The following MTPN variants were observed in gnomAD, a reference collection of about 807,000 sequenced individuals.
The protein encoded by MTPN is myotrophin, also known as granule cell differentiation protein.
In MTPN, 2 loss-of-function variants were observed where a neutral mutation model predicts 13.5. The ratio of observed to expected loss-of-function variants is 0.15; its 90% CI spans 0.06 to 0.47. MTPN has a LOEUF of 0.47. Among genes scored for constraint, MTPN ranks in the 20% least tolerant of loss-of-function variants. MTPN has a pLI of 0.97. For missense variants in MTPN, 79 were observed against 137.9 expected, an observed-to-expected ratio of 0.57 and a Z score of 2.14; for synonymous variants, 46 against 51.7, an observed-to-expected ratio of 0.89 and a Z score of 0.48.
chr7:135,940,302 C>T (rs1562930054), intron 3 of MTPN, among the ~76,000 whole-genome samples: 1 of 152,188 alleles, frequency 6.6e-6, no homozygotes, highest in Admixed American at 6.5e-5. Context: ...CAAATACCTA[C>T]AATTATACAT....
intron 3 of MTPN, among the ~76,000 whole-genome samples, chr7:135,939,593 T>TG (rs1422915424): frequency 2.4e-4 from 1 of 4,196 alleles, no homozygotes; most frequent in Non-Finnish European, 6.3e-4. Context: ...GGGGGGCGGG[T>TG]GCGTGGGGCG....
chr7:135,950,808 CCA>C (rs1201715518), intron 2 of MTPN, 126 bp from the exon 3 acceptor site: 4 of 739,410 alleles, frequency 5.4e-6, no homozygotes, highest in East Asian at 2.6e-5. Context: ...ATCAATCAAT[CCA>C]CAGAGTCAAG....
At chr7:135,937,708 T>A (rs1213407525) in intron 3 of MTPN, among the ~76,000 whole-genome samples, 1 of 152,140 alleles carries the variant, frequency 6.6e-6, no homozygotes, top group African/African-American at 2.4e-5. Context: ...AAAAGTTACA[T>A]GGAGTGTGCC....
rs541875018 is a variant in MTPN at position 135,972,972 on chromosome 7, G to C, written c.72+4057C>G. ...CTACAAGGAAGAAACAGGATGGCAG[G>C]GTCTGGAGCAGAGTGCTTAGAGAGA... On this transcript the variant is annotated intron_variant, in intron 1 of 3. Transcript: ENST00000393085. Among the ~76,000 whole-genome samples, 12 of 151,596 alleles carry C rather than the reference G, an allele frequency of 7.9e-5. No individual in the cohort carries two copies. The East Asian group carries it at 1.6e-3, about 20-fold the overall frequency.
Position 135,927,320 on chromosome 7 carries a change from T to C in MTPN, c.*2606A>G. Reference sequence around the variant, plus strand: ...AGAAGAACTACTTGGGATATTCAAGTGCTGTATTTGAACGATAAGCCTATA... The same window carrying C: ...AGAAGAACTACTTGGGATATTCAAGCGCTGTATTTGAACGATAAGCCTATA... On this transcript the variant is annotated 3_prime_UTR_variant, in exon 4 of 4. Transcript: ENST00000393085. The C allele has an allele frequency of 1.3e-6, 2 of 1,550,896 alleles. No individual in the cohort carries two copies. The highest frequency in any genetic ancestry group is 1.7e-6 in the Non-Finnish European group (2 of 1,146,732).
At chr7:135,961,100 A>G (rs1449226485) in intron 1 of MTPN, among the ~76,000 whole-genome samples, 1 of 152,118 alleles carries the variant, frequency 6.6e-6, no homozygotes, top group Non-Finnish European at 1.5e-5. Flanking sequence ...AATTAAGTAA[A>G]GACTTGAGAA....
intron 1 of MTPN, among the ~76,000 whole-genome samples, chr7:135,964,532 G>C (rs904689845): frequency 6.6e-6 from 1 of 152,044 alleles, no homozygotes; most frequent in African/African-American, 2.4e-5. Flanking sequence ...CAGCTGAAAA[G>C]ATTTCGCAGA....
rs2116422777 is a variant in MTPN, at chr7:135,977,224, G to T, written c.-124C>A. ...AAGCCGGAGAGGAGAAGAAGAGAAG[G>T]AGGGTTAGGCTGCCAGGCGGGCGAG... is the stretch of plus-strand genomic sequence containing the variant. On this transcript the variant is annotated 5_prime_UTR_variant, in exon 1 of 4. Coordinates refer to ENST00000393085, the MANE Select transcript of MTPN (RefSeq NM_145808.4). 1.0e-6 allele frequency: 1 copy of T among 998,810 alleles called. No homozygotes were observed. The allele number at this position is 998,810 out of a possible 1,614,324, so 61.9% of individuals were successfully genotyped here. A position where few individuals can be genotyped will look rare whatever the true frequency, so the allele number is the denominator to read the frequency against.
At chr7:135,974,376 T>C (rs893437519) in intron 1 of MTPN, among the ~76,000 whole-genome samples, 5 of 152,046 alleles carry the variant, frequency 3.3e-5, no homozygotes, top group African/African-American at 1.2e-4. Context: ...AGATCCAGTC[T>C]CTACAAAAAA....
chr7:135,949,822 T>A (rs1176688618), intron 3 of MTPN, among the ~76,000 whole-genome samples: 1 of 152,232 alleles, frequency 6.6e-6, no homozygotes, highest in African/African-American at 2.4e-5. Context: ...ATACATCTAC[T>A]CATTTCTGTT....
At position 135,929,993 on chromosome 7, in the gene MTPN, T is replaced by C. The variant is rs1283120056; in HGVS notation, c.290A>G (p.Lys97Arg). 3 of 1,613,800 alleles carry C rather than the reference T, an allele frequency of 1.9e-6. No homozygotes were observed. The highest frequency in any genetic ancestry group is 2.7e-5 in the African/African-American group (2 of 75,028). The change falls in exon 4 of 4, where the codon AAA becomes AGA. Residue 97 changes from lysine to arginine, a missense_variant. By Grantham distance (26) the Lys-to-Arg change is conservative. Transcript: ENST00000393085. ...LLSKGADKTVKGPDGLTAFEA... is the reference protein window; with the variant it reads ...LLSKGADKTVRGPDGLTAFEA... ...AAAGGCGGTCAGTCCATCTGGGCCT[T>C]TCACAGTCTTATCAGCACCCTGGAA...
chr7:135,975,245 A>G (rs1799755835), intron 1 of MTPN, among the ~76,000 whole-genome samples: 2 of 152,194 alleles, frequency 1.3e-5, no homozygotes, highest in South Asian at 4.1e-4. Flanking sequence ...TGTAGTTGAG[A>G]ATTCTTTGGG....
At chr7:135,957,053 C>T (rs1799452536) in intron 1 of MTPN, among the ~76,000 whole-genome samples, 1 of 152,156 alleles carries the variant, frequency 6.6e-6, no homozygotes, top group African/African-American at 2.4e-5. Flanking sequence ...TCTTTCTTTT[C>T]ATTGCAACAT....
At chr7:135,955,876 G>C (rs1799437391) in intron 1 of MTPN, among the ~76,000 whole-genome samples, 1 of 150,026 alleles carries the variant, frequency 6.7e-6, no homozygotes, top group Admixed American at 6.6e-5. Flanking sequence ...TTTGTCATCA[G>C]AATTTAGCAA....
intron 3 of MTPN, among the ~76,000 whole-genome samples, chr7:135,933,256 A>C (rs1056704691): frequency 2.0e-5 from 3 of 152,256 alleles, no homozygotes; most frequent in Admixed American, 2.0e-4. Context: ...TATTTGAGCT[A>C]TAACTTTAGA....
At chr7:135,934,420 C>T (rs1419737540) in intron 3 of MTPN, among the ~76,000 whole-genome samples, 3 of 152,148 alleles carry the variant, frequency 2.0e-5, no homozygotes, top group Non-Finnish European at 4.4e-5. Flanking sequence ...GAAAAGTCCA[C>T]AGCAAGTGGC....
In MTPN at chr7:135,927,652, TAAAAA is replaced by T. The variant is rs749653866; in HGVS notation, c.*2269_*2273del. 1 of 617,578 alleles carries T rather than the reference TAAAAA, an allele frequency of 1.6e-6. No individual in the cohort carries two copies. The highest frequency in any genetic ancestry group is 3.1e-6 in the Non-Finnish European group (1 of 325,150). The allele number at this position is 617,578 out of a possible 1,614,324, so 38.3% of individuals were successfully genotyped here. A position where few individuals can be genotyped will look rare whatever the true frequency, so the allele number is the denominator to read the frequency against. ...AGAAATACATTATAAATAACCTAGT[TAAAAA>T]AAGAAACTGTGAACCATCTTGGTCA... On this transcript the variant is annotated 3_prime_UTR_variant, in exon 4 of 4. Coordinates refer to ENST00000393085, the MANE Select transcript of MTPN (RefSeq NM_145808.4).
chr7:135,973,415 G>A (rs1799725737), intron 1 of MTPN, among the ~76,000 whole-genome samples: 1 of 151,632 alleles, frequency 6.6e-6, no homozygotes, highest in Non-Finnish European at 1.5e-5. Context: ...CCAGTTTCCA[G>A]TTTGGACAAA....
rs188940377 is a variant in MTPN at position 135,955,215 on chromosome 7, G to A, written c.73-3585C>T. Among the ~76,000 whole-genome samples, 298 of 151,998 alleles carry A rather than the reference G, an allele frequency of 2.0e-3. 1 individual carries two copies. The highest frequency in any genetic ancestry group is 6.9e-3 in the African/African-American group (286 of 41,450). On this transcript the variant is annotated intron_variant, in intron 1 of 3. Coordinates refer to ENST00000393085, the MANE Select transcript of MTPN (RefSeq NM_145808.4). ...CTGGAAAAATAGAAAGATTTCAAAT[G>A]AATAATCTTTGTATTTCCATCATAA...
Sources: gnomAD v4.1 joint callset for allele counts (sites outside exome capture counted in the v4.1 genomes callset) on GRCh38, gnomAD v4.1.1 for gene constraint, MANE v1.5 for transcripts, NCBI Gene and HGNC (gene_info 2026-07-23, HGNC 2026-07-21) for gene names.